GABRA2: variants seen among roughly 807,000 people sequenced by gnomAD.
GABRA2 encodes the protein gamma-aminobutyric acid type A receptor subunit alpha2.
GABRA2 carries 16 observed loss-of-function variants against 48.7 expected under a neutral mutation model. The ratio of observed to expected loss-of-function variants is 0.33; its 90% confidence interval spans 0.22 to 0.50. The LOEUF (loss-of-function observed/expected upper bound fraction) is 0.50. GABRA2 is among the 20% of genes least tolerant of loss of function. The pLI is 0.98. For synonymous variants in GABRA2, 185 were observed against 184.5 expected (o/e 1.00, Z -0.02); for missense variants, 275 against 535.6 (o/e 0.51, Z 4.80).
chr4:46,287,787 A>T (rs1722843529), intron 8 of GABRA2, among the ~76,000 whole-genome samples: 1 of 151,762 alleles, frequency 6.6e-6, no homozygotes, highest in African/African-American at 2.4e-5. Flanking sequence ...AATAATAATA[A>T]AAAAAAAGAA....
intron 3 of GABRA2, chr4:46,364,700 A>C (rs1328739260): frequency 1.3e-5 from 2 of 152,108 alleles, no homozygotes; most frequent in Non-Finnish European, 2.9e-5. Flanking sequence ...GCAATGAAGA[A>C]TCTCCCTCAT....
chr4:46,383,637 A>G (rs1717056771), intron 3 of GABRA2, among the ~76,000 whole-genome samples: 1 of 152,192 alleles, frequency 6.6e-6, no homozygotes, highest in African/African-American at 2.4e-5. Context: ...GTACCAGGAG[A>G]CATAGTGCCA....
chr4:46,388,910 T>TC (rs1717847975), intron 1 of GABRA2, 194 bp from the exon 2 acceptor site: 2 of 1,307,102 alleles, frequency 1.5e-6, no homozygotes, highest in South Asian at 4.3e-5. Flanking sequence ...CCCACCCTTT[T>TC]CCTTTCTGTT....
In GABRA2 at chr4:46,247,675, A is replaced by G. The variant is rs1713967433; in HGVS notation, c.*2633T>C. Among the ~76,000 whole-genome samples, 1 of 151,062 alleles carries G rather than the reference A, an allele frequency of 6.6e-6. No homozygotes were observed. Among genetic ancestry groups the G allele is most frequent in the Admixed American group, 6.6e-5 (1 of 15,078 alleles). Reference sequence around the variant, plus strand: ...ATCAGTGTTAGTATATATAAAATGTATTTTCTGAAAAATTGGCCTTATTGT... The same window carrying G: ...ATCAGTGTTAGTATATATAAAATGTGTTTTCTGAAAAATTGGCCTTATTGT... On this transcript the variant is annotated 3_prime_UTR_variant, in exon 10 of 10. Transcript: ENST00000381620.
intron 4 of GABRA2, among the ~76,000 whole-genome samples, chr4:46,321,925 G>A (rs1729521438): frequency 6.6e-6 from 1 of 151,980 alleles, no homozygotes; most frequent in African/African-American, 2.4e-5. Flanking sequence ...AGCCACCTGT[G>A]TTTTTGGTGA....
At chr4:46,345,290 A>C (rs561860754) in intron 3 of GABRA2, among the ~76,000 whole-genome samples, 1 of 151,872 alleles carries the variant, frequency 6.6e-6, no homozygotes, top group Non-Finnish European at 1.5e-5. Context: ...TCTTTATAGC[A>C]GTGTGAAAAT....
intron 4 of GABRA2, among the ~76,000 whole-genome samples, chr4:46,330,615 T>C (rs1731196408): frequency 8.6e-6 from 1 of 116,920 alleles, no homozygotes; most frequent in Non-Finnish European, 1.9e-5. Flanking sequence ...GAGAGATGTT[T>C]TAGGTAAAAT....
chr4:46,262,943 A>AAAG lies in GABRA2; in HGVS notation c.857-818_857-816dup, dbSNP rs1453659259. 3.7e-3 allele frequency among the ~76,000 whole-genome samples: 294 copies of AAAG among 80,420 alleles called. 1 individual carries two copies. The highest frequency in any genetic ancestry group is 0.016 in the African/African-American group (281 of 17,320). 52.8% of individuals were successfully genotyped at this position (80,420 alleles called of 152,430 possible). On this transcript the variant is annotated intron_variant, in intron 8 of 9. Transcript: ENST00000381620. Reference sequence around the variant, plus strand: ...AGAGAGAGAGAAAGAAAGAAGAAAGAAAGAAAGAAAGAAAGAGAGAGAGAG... The same window carrying AAAG: ...AGAGAGAGAGAAAGAAAGAAGAAAGAAAGAAGAAAGAAAGAAAGAGAGAGAGAG...
intron 5 of GABRA2, among the ~76,000 whole-genome samples, chr4:46,311,912 A>G (rs1355333980): frequency 2.0e-5 from 3 of 152,178 alleles, no homozygotes; most frequent in Non-Finnish European, 4.4e-5. Flanking sequence ...CAGCCTGGCC[A>G]ACATGGCGAA....
chr4:46,351,975 T>G (rs1465733081), intron 3 of GABRA2, among the ~76,000 whole-genome samples: 2 of 92,148 alleles, frequency 2.2e-5, no homozygotes. Context: ...AAAAACTGGG[T>G]TTTTTTTTTT....
intron 3 of GABRA2, among the ~76,000 whole-genome samples, chr4:46,352,746 G>T (rs1322355395): frequency 1.3e-5 from 2 of 152,008 alleles, no homozygotes; most frequent in East Asian, 1.9e-4. Flanking sequence ...ACAATCTAAG[G>T]CTCTTAAAAG....
At chr4:46,364,782 A>G (rs1424071806) in intron 3 of GABRA2, 1 of 152,194 alleles carries the variant, frequency 6.6e-6, no homozygotes, top group Admixed American at 6.5e-5. Context: ...TGATTAGGTC[A>G]GACCCACTCG....
intron 3 of GABRA2, among the ~76,000 whole-genome samples, chr4:46,380,021 T>C (rs116385394): frequency 1.1e-3 from 166 of 152,316 alleles, no homozygotes; most frequent in Non-Finnish European, 1.9e-3. Flanking sequence ...AGCATCAGGA[T>C]ATATACTCTA....
chr4:46,355,972 C>G (rs1034336217), intron 3 of GABRA2, among the ~76,000 whole-genome samples: 5 of 152,054 alleles, frequency 3.3e-5, no homozygotes, highest in African/African-American at 1.2e-4. Context: ...AAATTTAGTA[C>G]CTCTTCAAGA....
intron 1 of GABRA2, chr4:46,389,073 A>C: frequency 1.2e-5 from 12 of 1,016,416 alleles, no homozygotes; most frequent in Non-Finnish European, 1.4e-5. Context: ...AAACTGGCAT[A>C]GCAGCTGGAA....
At chr4:46,278,000 C>G (rs1720824001) in intron 8 of GABRA2, among the ~76,000 whole-genome samples, 1 of 152,060 alleles carries the variant, frequency 6.6e-6, no homozygotes. Context: ...GTTTTCATGT[C>G]TCATGTAACT....
chr4:46,340,800 AC>A (rs976572500), intron 3 of GABRA2, among the ~76,000 whole-genome samples: 4 of 151,908 alleles, frequency 2.6e-5, no homozygotes, highest in Admixed American at 2.6e-4. Context: ...GAACTTCCTA[AC>A]CATTATTTCT....
At chr4:46,296,870 G>T (rs1048731325) in intron 8 of GABRA2, among the ~76,000 whole-genome samples, 3 of 152,054 alleles carry the variant, frequency 2.0e-5, no homozygotes, top group Non-Finnish European at 4.4e-5. Flanking sequence ...TCTTCATTTT[G>T]TTCTCATTTT....
intron 7 of GABRA2, among the ~76,000 whole-genome samples, 154 bp downstream of exon 7, chr4:46,305,414 T>TA (rs35011150): frequency 0.39 from 55,395 of 143,448 alleles, 10,911 homozygotes; most frequent in East Asian, 0.52. Flanking sequence ...AAAGTATAAT[T>TA]AAAAAAAAAA....
Sources: allele counts gnomAD v4.1 joint callset (sites outside exome capture counted in the v4.1 genomes callset), GRCh38; gene constraint gnomAD v4.1.1; transcripts MANE v1.5; gene names NCBI Gene and HGNC (gene_info 2026-07-23, HGNC 2026-07-21).